The following COPZ2 variants were observed in gnomAD, a reference collection of about 807,000 sequenced individuals.
COPZ2 encodes coat protein complex I subunit zeta 2, also known as coatomer subunit zeta-2.
Under a neutral mutation model 33.2 loss-of-function variants are expected in COPZ2, and 30 were observed. The observed-to-expected ratio is 0.90, with a 90% CI of 0.68 to 1.23. The LOEUF is 1.23. COPZ2 is among the 50% of genes most tolerant of loss of function. The pLI, the probability that COPZ2 is intolerant of heterozygous loss-of-function variation, is 0.00. For missense variants in COPZ2, 263 were observed against 262.4 expected (o/e 1.00, Z -0.02); for synonymous variants, 89 against 102.6 (o/e 0.87, Z 0.80).
intron 2 of COPZ2, among the ~76,000 whole-genome samples, chr17:48,035,556 C>T (rs117604496): frequency 0.025 from 3,847 of 151,832 alleles, 69 homozygotes; most frequent in Non-Finnish European, 0.038. Context: ...CCACCACGCC[C>T]GGCTAATTTT....
intron 2 of COPZ2, among the ~76,000 whole-genome samples, chr17:48,035,899 G>A (rs1460442183): frequency 6.6e-6 from 1 of 151,588 alleles, no homozygotes; most frequent in South Asian, 2.1e-4. Flanking sequence ...GATTACAGGC[G>A]CCCACCACCA....
upstream of COPZ2, among the ~76,000 whole-genome samples, chr17:48,041,147 C>CAAAAAAAAAAAAAAAAAAAAAAAAAAA (rs10532613): frequency 9.7e-6 from 1 of 103,014 alleles, no homozygotes; most frequent in Non-Finnish European, 2.0e-5. Flanking sequence ...ACTCTATCTC[C>CAAAAAAAAAAAAAAAAAAAAAAAAAAA]AAAAAAAAAA....
At chr17:48,042,741 C>T (rs527816085), upstream of COPZ2, among the ~76,000 whole-genome samples, 3 of 152,312 alleles carry the variant, frequency 2.0e-5, no homozygotes, top group South Asian at 2.1e-4. Context: ...GGATTATAGG[C>T]GTAAGCCACC....
rs777462841 is a variant in COPZ2 at position 48,033,188 on chromosome 17, C to A, written c.360+23G>T. 2.4e-5 allele frequency: 36 copies of A among 1,506,170 alleles called. No individual in the cohort carries two copies. The South Asian group carries it at 3.8e-4, about 16-fold the overall frequency. 93.3% of individuals were successfully genotyped at this position (1,506,170 alleles called of 1,614,324 possible). A position where few individuals can be genotyped will look rare whatever the true frequency, so the allele number is the denominator to read the frequency against. ...TTTCCCCATAGACAGACCCTTCTTACTGCCCCAACCTCCTGAATTCACCTC... is the reference window on the plus strand; with the variant it reads ...TTTCCCCATAGACAGACCCTTCTTAATGCCCCAACCTCCTGAATTCACCTC... On this transcript the variant is annotated intron_variant, in intron 4 of 8. Coordinates refer to ENST00000621465, the MANE Select transcript of COPZ2 (RefSeq NM_016429.4).
At chr17:48,043,996 C>T in the COPZ2 span, among the ~76,000 whole-genome samples, 1 of 152,180 alleles carries the variant, frequency 6.6e-6, no homozygotes, top group Admixed American at 6.5e-5. Flanking sequence ...AACAATGAGG[C>T]ATTTTCATTG....
upstream of COPZ2, among the ~76,000 whole-genome samples, chr17:48,040,119 TACCC>T (rs905467853): frequency 1.0e-4 from 13 of 126,832 alleles, no homozygotes; most frequent in Admixed American, 2.7e-4. Context: ...GAGAACCTGC[TACCC>T]ACCCACCCAC....
intron 8 of COPZ2, chr17:48,027,825 C>G (rs2036838031): frequency 6.6e-6 from 1 of 152,334 alleles, no homozygotes; most frequent in South Asian, 2.1e-4. Flanking sequence ...AGACAGTCGT[C>G]CTGAACTAGC....
intron 6 of COPZ2, 24 bp from the exon 7 acceptor site, chr17:48,029,200 G>A (rs1598257205): frequency 1.3e-6 from 2 of 1,561,842 alleles, no homozygotes; most frequent in Non-Finnish European, 8.7e-7. Context: ...GGAAAAACCA[G>A]GAGGCAAATC....
In COPZ2 at chr17:48,028,591, G is replaced by T; in HGVS notation, c.547-81C>A. 7.3e-7 allele frequency: 1 copy of T among 1,361,330 alleles called. No homozygotes were observed. Among genetic ancestry groups the T allele is most frequent in the Non-Finnish European group, 1.0e-6 (1 of 975,980 alleles). The allele number at this position is 1,361,330 out of a possible 1,614,324, so 84.3% of individuals were successfully genotyped here. A position where few individuals can be genotyped will look rare whatever the true frequency, so the allele number is the denominator to read the frequency against. On this transcript the variant is annotated intron_variant, in intron 7 of 8. Transcript: ENST00000621465. The surrounding 1 kb of genome is among the most constrained non-coding windows in gnomAD (Gnocchi z 4.5). ...AGGGAGGTGAAGGAAAGGGGCTTGG[G>T]GGTATGGGTGAGGTGGTGCAGTGGT...
chr17:48,031,174 C>T (rs2036888948), intron 6 of COPZ2, among the ~76,000 whole-genome samples: 1 of 152,056 alleles, frequency 6.6e-6, no homozygotes, highest in African/African-American at 2.4e-5. Context: ...TTCTATTGGC[C>T]GGGGATGGTG....
chr17:48,030,289 AACACACACAC>A (rs71935471), intron 6 of COPZ2, among the ~76,000 whole-genome samples: 33 of 128,418 alleles, frequency 2.6e-4, no homozygotes, highest in South Asian at 5.1e-4. Flanking sequence ...TCCATCTCAA[AACACACACAC>A]ACACACACAC....
At chr17:48,044,353 A>G in the COPZ2 span, among the ~76,000 whole-genome samples, 1 of 151,456 alleles carries the variant, frequency 6.6e-6, no homozygotes. Context: ...TCAAAAAAAA[A>G]AGTCAGATAA....
At chr17:48,043,289 G>C in the COPZ2 span, among the ~76,000 whole-genome samples, 1 of 152,196 alleles carries the variant, frequency 6.6e-6, no homozygotes, top group African/African-American at 2.4e-5. Context: ...TTCAAAGCAG[G>C]TTCTCCTCTG....
At chr17:48,038,532 T>C (rs142300921), upstream of COPZ2, among the ~76,000 whole-genome samples, 637 of 152,340 alleles carry the variant, frequency 4.2e-3, 1 homozygote, top group Non-Finnish European at 6.1e-3. Flanking sequence ...CGTATGCATT[T>C]ACCGGTAAAA....
chr17:48,029,387 C>A, intron 6 of COPZ2: 1 of 623,132 alleles, frequency 1.6e-6, no homozygotes, highest in Admixed American at 2.9e-5. Context: ...CCCAGTGGTC[C>A]ACATGCTTTG....
chr17:48,047,271 G>C, the COPZ2 span: 1 of 152,154 alleles, frequency 6.6e-6, no homozygotes, highest in Admixed American at 6.6e-5. Context: ...TCCTATAGCT[G>C]GGAGGAACGC....
At chr17:48,031,178 GA>G (rs2144299266) in intron 6 of COPZ2, among the ~76,000 whole-genome samples, 1 of 152,270 alleles carries the variant, frequency 6.6e-6, no homozygotes, top group African/African-American at 2.4e-5. Context: ...ATTGGCCGGG[GA>G]TGGTGGCTCA....
chr17:48,036,674 GA>G (rs2036988046), intron 2 of COPZ2, among the ~76,000 whole-genome samples, 176 bp downstream of exon 2: 1 of 152,172 alleles, frequency 6.6e-6, no homozygotes, highest in African/African-American at 2.4e-5. Flanking sequence ...AGTAGAAATA[GA>G]GGAGACCCCT....
chr17:48,037,165 C>T lies in COPZ2; in HGVS notation c.112-240G>A, dbSNP rs779202010. 9.4e-6 allele frequency: 7 copies of T among 747,296 alleles called. No individual in the cohort carries two copies. The highest frequency in any genetic ancestry group is 1.8e-5 in the Non-Finnish European group (7 of 397,494). The allele number at this position is 747,296 out of a possible 1,614,324, so 46.3% of individuals were successfully genotyped here. On this transcript the variant is annotated intron_variant, in intron 1 of 8. Transcript: ENST00000621465. This position sits in a 1 kb window ranked among gnomAD's most constrained non-coding sequence, Gnocchi z 5.6. ...CTGTGCCCGTTGGGTGCAGAAGGTC[C>T]TTCCGGGCCCAAGTTCTGTCATGCA...
Sources: gnomAD v4.1 joint callset for allele counts (sites outside exome capture counted in the v4.1 genomes callset) on GRCh38, gnomAD v4.1.1 for gene constraint, Gnocchi (gnomAD v3.1) non-coding constraint, MANE v1.5 for transcripts, NCBI Gene and HGNC (gene_info 2026-07-23, HGNC 2026-07-21) for gene names.